NLGN1: variants seen among roughly 807,000 people sequenced by gnomAD.
NLGN1 encodes the protein neuroligin-1.
NLGN1 carries 12 observed loss-of-function variants against 65.5 expected under a neutral mutation model. The observed-to-expected ratio is 0.18, with a 90% CI of 0.12 to 0.30. NLGN1 has a LOEUF of 0.30. Among genes scored for constraint, NLGN1 ranks in the 10% least tolerant of loss-of-function variants. The probability of loss-of-function intolerance (pLI) is 1.00; values close to 1 mark genes in which losing one functional copy is unlikely to be tolerated. For synonymous variants in NLGN1, 350 were observed against 359.5 expected (o/e 0.97, Z 0.30); for missense variants, 750 against 1,007.1 (o/e 0.74, Z 3.46).
At position 173,563,209 on chromosome 3, in the gene NLGN1, A is replaced by G. The variant is rs1743063177; in HGVS notation, c.-320-41070A>G. Among the ~76,000 whole-genome samples the G allele has an allele frequency of 2.0e-5, 3 of 152,256 alleles. No homozygotes were observed. In the South Asian group the frequency reaches 6.2e-4, roughly 31 times the overall value. On this transcript the variant is annotated intron_variant, in intron 2 of 6. Transcript: ENST00000457714. ...GACATGAGCTGGCCTGTAGCTTTAC[A>G]GCCATCGAATATTGAATAAAGAGAA...
intron 4 of NLGN1, among the ~76,000 whole-genome samples, chr3:173,935,665 C>A (rs1744949940): frequency 6.6e-6 from 1 of 151,014 alleles, no homozygotes; most frequent in South Asian, 2.1e-4. Flanking sequence ...CTCTCTCTGC[C>A]TTACTGTTAA....
In NLGN1 at chr3:174,102,153, T is replaced by C. The variant is rs138673994; in HGVS notation, c.647-173162T>C. On this transcript the variant is annotated intron_variant, in intron 4 of 6. Transcript: ENST00000457714. ...CCTTTGTGGTTGCCATTCTTTTCACTGACAAATGTACTGCTGAATGTGATT... is the reference window on the plus strand; with the variant it reads ...CCTTTGTGGTTGCCATTCTTTTCACCGACAAATGTACTGCTGAATGTGATT... Among the ~76,000 whole-genome samples the C allele has an allele frequency of 1.9e-4, 29 of 152,320 alleles. No homozygotes were observed. The East Asian group carries it at 5.4e-3, about 28-fold the overall frequency.
At chr3:173,608,177 T>C (rs1198969914) in intron 3 of NLGN1, among the ~76,000 whole-genome samples, 1 of 151,920 alleles carries the variant, frequency 6.6e-6, no homozygotes, top group Non-Finnish European at 1.5e-5. Context: ...ATTTACAATA[T>C]TTTCCTGCAA....
At chr3:173,629,667 A>G (rs1042237535) in intron 3 of NLGN1, among the ~76,000 whole-genome samples, 1 of 152,158 alleles carries the variant, frequency 6.6e-6, no homozygotes, top group Non-Finnish European at 1.5e-5. Context: ...AGCAAGTTGT[A>G]TATCAAGTTT....
chr3:173,635,100 A>G (rs1756366297), intron 3 of NLGN1, among the ~76,000 whole-genome samples: 1 of 152,164 alleles, frequency 6.6e-6, no homozygotes, highest in Non-Finnish European at 1.5e-5. Flanking sequence ...TATTTTGTCT[A>G]ACAACATTAA....
intron 2 of NLGN1, among the ~76,000 whole-genome samples, chr3:173,494,195 G>T (rs1317971100): frequency 1.3e-5 from 2 of 150,830 alleles, no homozygotes; most frequent in East Asian, 1.9e-4. Context: ...TGGTTCTGTT[G>T]TTGGTATTGT....
chr3:173,997,981 T>G (rs1208726380), intron 4 of NLGN1, among the ~76,000 whole-genome samples: 1 of 152,128 alleles, frequency 6.6e-6, no homozygotes, highest in Non-Finnish European at 1.5e-5. Context: ...GTCAGTACAC[T>G]GGGCAACATC....
intron 3 of NLGN1, among the ~76,000 whole-genome samples, chr3:173,641,751 G>A (rs1757449827): frequency 6.6e-6 from 1 of 152,152 alleles, no homozygotes; most frequent in Non-Finnish European, 1.5e-5. Context: ...TACTGGGGTG[G>A]CATTGACCTA....
chr3:173,621,163 A>C (rs761426416), intron 3 of NLGN1, among the ~76,000 whole-genome samples: 1 of 152,178 alleles, frequency 6.6e-6, no homozygotes, highest in Non-Finnish European at 1.5e-5. Context: ...AAATAATCAA[A>C]TATGTACACT....
At chr3:173,995,344 G>C (rs1262072278) in intron 4 of NLGN1, among the ~76,000 whole-genome samples, 1 of 152,068 alleles carries the variant, frequency 6.6e-6, no homozygotes, top group Non-Finnish European at 1.5e-5. Context: ...TCCTTCACAG[G>C]GACATGGAAG....
intron 5 of NLGN1, among the ~76,000 whole-genome samples, chr3:174,277,740 T>TAGGCATATTAG (rs1750850708): frequency 6.6e-6 from 1 of 151,896 alleles, no homozygotes; most frequent in Non-Finnish European, 1.5e-5. Flanking sequence ...GTTACAGACA[T>TAGGCATATTAG]GTTGAATATA....
At chr3:173,899,680 C>T (rs897754554) in intron 4 of NLGN1, among the ~76,000 whole-genome samples, 3 of 152,046 alleles carry the variant, frequency 2.0e-5, no homozygotes, top group Non-Finnish European at 2.9e-5. Flanking sequence ...TTCACCCATT[C>T]TTTTACGTGT....
rs141488848 is a variant in NLGN1 at position 173,741,392 on chromosome 3, C to A, written c.494-66288C>A. ...TACTATGTGCCAGGTAAAAGGGACA[C>A]ACTGATGTTCCAGGGAACTGATAGT... On this transcript the variant is annotated intron_variant, in intron 3 of 6. Coordinates refer to ENST00000457714, the Ensembl canonical transcript of NLGN1. Among the ~76,000 whole-genome samples, 546 of 152,222 alleles carry A rather than the reference C, an allele frequency of 3.6e-3. 4 individuals carry two copies. The highest frequency in any genetic ancestry group is 0.012 in the African/African-American group (515 of 41,560).
chr3:173,410,544 A>T (rs56014474), intron 1 of NLGN1, among the ~76,000 whole-genome samples: 5,110 of 152,276 alleles, frequency 0.034, 118 homozygotes, highest in Admixed American at 0.047. Context: ...TTATTTCACT[A>T]GCACATGGAA....
At chr3:174,286,324 A>C (rs1752112561) in exon 7 of NLGN1, 1 of 151,458 alleles carries the variant, frequency 6.6e-6, no homozygotes, top group African/African-American at 2.4e-5. Context: ...AGTTGAAATG[A>C]ATGATAACAA....
intron 1 of NLGN1, among the ~76,000 whole-genome samples, chr3:173,428,510 A>G (rs1716563704): frequency 6.6e-6 from 1 of 151,972 alleles, no homozygotes; most frequent in South Asian, 2.1e-4. Flanking sequence ...ACTTAAACTG[A>G]TGGCAACTTA....
At chr3:174,024,855 T>A (rs1203201743) in intron 4 of NLGN1, among the ~76,000 whole-genome samples, 1 of 152,234 alleles carries the variant, frequency 6.6e-6, no homozygotes, top group Non-Finnish European at 1.5e-5. Context: ...CATTTGGGAT[T>A]TGTGGCATCT....
At chr3:174,092,403 G>A (rs1241047672) in intron 4 of NLGN1, among the ~76,000 whole-genome samples, 1 of 152,072 alleles carries the variant, frequency 6.6e-6, no homozygotes, top group Non-Finnish European at 1.5e-5. Context: ...AAATTTTGTG[G>A]AAGATGAAAT....
intron 2 of NLGN1, among the ~76,000 whole-genome samples, chr3:173,463,840 T>C (rs1226088862): frequency 1.3e-5 from 2 of 152,176 alleles, no homozygotes; most frequent in African/African-American, 4.8e-5. Context: ...CTCTTCTCAC[T>C]AAATGATTTT....
Sources: gnomAD v4.1 joint callset for allele counts (sites outside exome capture counted in the v4.1 genomes callset) on GRCh38, gnomAD v4.1.1 for gene constraint, MANE v1.5 for transcripts, NCBI Gene and HGNC (gene_info 2026-07-23, HGNC 2026-07-21) for gene names.